The following ST18 variants were observed in gnomAD, a reference collection of about 807,000 sequenced individuals.
ST18 encodes ST18 C2H2C-type zinc finger transcription factor, also known as suppression of tumorigenicity 18 protein.
ST18 carries 50 observed loss-of-function variants against 110.0 expected under a neutral mutation model. The ratio of observed to expected loss-of-function variants is 0.45; its 90% confidence interval spans 0.36 to 0.58. The LOEUF (loss-of-function observed/expected upper bound fraction) is 0.58. Ranked by LOEUF, ST18 falls within the 20% of genes least tolerant of loss-of-function variation. The pLI, the probability that ST18 is intolerant of heterozygous loss-of-function variation, is 0.00. For synonymous variants in ST18, 461 were observed against 452.4 expected (o/e 1.02, Z -0.24); for missense variants, 1,306 against 1,280.1 (o/e 1.02, Z -0.31).
chr8:52,324,626 T>C (rs547218263), intron 2 of ST18, among the ~76,000 whole-genome samples: 1 of 152,334 alleles, frequency 6.6e-6, no homozygotes, highest in African/African-American at 2.4e-5. Flanking sequence ...CTATGCCGGG[T>C]AGCATACTAT....
chr8:52,388,209 C>G (rs1407814802), intron 2 of ST18, among the ~76,000 whole-genome samples: 1 of 152,150 alleles, frequency 6.6e-6, no homozygotes, highest in Non-Finnish European at 1.5e-5. Flanking sequence ...GTGAGAAACA[C>G]TGGGCGAATA....
At chr8:52,242,510 T>C (rs1431373502) in intron 2 of ST18, among the ~76,000 whole-genome samples, 1 of 152,176 alleles carries the variant, frequency 6.6e-6, no homozygotes, top group Non-Finnish European at 1.5e-5. Context: ...GTCGCCTTGG[T>C]GACATTGTGA....
chr8:52,323,862 T>C (rs749241562), intron 2 of ST18, among the ~76,000 whole-genome samples: 1 of 152,190 alleles, frequency 6.6e-6, no homozygotes, highest in Non-Finnish European at 1.5e-5. Flanking sequence ...GTATGACCTT[T>C]GGAATGGGAA....
intron 16 of ST18, among the ~76,000 whole-genome samples, chr8:52,148,668 G>C (rs924036569): frequency 6.8e-6 from 1 of 147,424 alleles, no homozygotes; most frequent in Non-Finnish European, 1.5e-5. Context: ...AAGGAAGAAA[G>C]GAAGGAAGGA....
intron 2 of ST18, among the ~76,000 whole-genome samples, chr8:52,341,613 T>A (rs1276236314): frequency 1.3e-5 from 2 of 152,244 alleles, no homozygotes; most frequent in South Asian, 2.1e-4. Flanking sequence ...AGAATTTATA[T>A]CATATTCCAA....
chr8:52,384,017 T>C (rs1835583820), intron 2 of ST18, among the ~76,000 whole-genome samples: 1 of 152,218 alleles, frequency 6.6e-6, no homozygotes. Flanking sequence ...ATTACAGGAC[T>C]TTTAAACATG....
intron 2 of ST18, among the ~76,000 whole-genome samples, chr8:52,272,994 G>A (rs7465596): frequency 6.6e-6 from 1 of 152,112 alleles, no homozygotes; most frequent in Non-Finnish European, 1.5e-5. Flanking sequence ...ATACAACACT[G>A]TACCTAGAGT....
intron 2 of ST18, among the ~76,000 whole-genome samples, chr8:52,345,084 T>A (rs925492221): frequency 8.5e-5 from 13 of 152,162 alleles, no homozygotes; most frequent in Non-Finnish European, 5.9e-5. Context: ...ATTCTTTAAT[T>A]TCCAAACAAA....
intron 14 of ST18, among the ~76,000 whole-genome samples, chr8:52,160,271 TAA>T (rs1375436641): frequency 1.3e-5 from 2 of 152,244 alleles, no homozygotes; most frequent in Non-Finnish European, 2.9e-5. Context: ...CCCTTAAATC[TAA>T]CAGGTTGTTA....
At chr8:52,159,408 T>C (rs989938689) in intron 14 of ST18, among the ~76,000 whole-genome samples, 12 of 152,068 alleles carry the variant, frequency 7.9e-5, no homozygotes, top group Non-Finnish European at 2.9e-5. Context: ...CTGGCAACAT[T>C]TGTGGCAAAA....
At chr8:52,272,968 G>A (rs1385055970) in intron 2 of ST18, among the ~76,000 whole-genome samples, 2 of 152,140 alleles carry the variant, frequency 1.3e-5, no homozygotes, top group African/African-American at 4.8e-5. Flanking sequence ...AATGAAATAA[G>A]CTCTAGAGAT....
intron 23 of ST18, among the ~76,000 whole-genome samples, chr8:52,125,102 T>G (rs547526455): frequency 6.6e-6 from 1 of 152,110 alleles, no homozygotes. Context: ...ATAATGCTCA[T>G]TAGAAATCTC....
chr8:52,206,177 C>T (rs987777305), intron 8 of ST18, among the ~76,000 whole-genome samples: 18 of 152,136 alleles, frequency 1.2e-4, no homozygotes, highest in African/African-American at 4.3e-4. Context: ...TGAGTAAATG[C>T]AGGTAATGTC....
At chr8:52,289,918 A>G (rs1298938537) in intron 2 of ST18, among the ~76,000 whole-genome samples, 1 of 151,838 alleles carries the variant, frequency 6.6e-6, no homozygotes, top group Non-Finnish European at 1.5e-5. Context: ...GGGGCTGATT[A>G]TACCTTTTTT....
At chr8:52,361,899 A>G (rs1247594432) in intron 2 of ST18, among the ~76,000 whole-genome samples, 2 of 145,578 alleles carry the variant, frequency 1.4e-5, no homozygotes, top group Non-Finnish European at 3.0e-5. Context: ...TTGATTTCAC[A>G]CTTTATTTTT....
intron 2 of ST18, among the ~76,000 whole-genome samples, chr8:52,258,086 T>A (rs1293900034): frequency 1.3e-5 from 2 of 152,204 alleles, no homozygotes; most frequent in Non-Finnish European, 2.9e-5. Context: ...CCATTGATGG[T>A]AGACATGGGA....
intron 2 of ST18, among the ~76,000 whole-genome samples, chr8:52,262,646 C>A (rs2138680587): frequency 6.6e-6 from 1 of 152,324 alleles, no homozygotes; most frequent in South Asian, 2.1e-4. Flanking sequence ...CTGCTGATTT[C>A]TAATAAAGCT....
intron 9 of ST18, among the ~76,000 whole-genome samples, chr8:52,179,351 C>T (rs1400993350): frequency 1.3e-5 from 2 of 152,156 alleles, no homozygotes; most frequent in Non-Finnish European, 2.9e-5. Flanking sequence ...ACTTAGCACA[C>T]AAAAGGTGTT....
At chr8:52,404,553 A>T (rs1442454151) in intron 2 of ST18, 2 of 152,192 alleles carry the variant, frequency 1.3e-5, no homozygotes, top group Admixed American at 1.3e-4. Flanking sequence ...TAACCCAAAC[A>T]CCCAGCACTG....
Sources: gnomAD v4.1 joint callset for allele counts (sites outside exome capture counted in the v4.1 genomes callset) on GRCh38, gnomAD v4.1.1 for gene constraint, MANE v1.5 for transcripts, NCBI Gene and HGNC (gene_info 2026-07-23, HGNC 2026-07-21) for gene names.